Variants in APPL1 observed in about 807,000 individuals in gnomAD.
APPL1 encodes adaptor protein, phosphotyrosine interacting with PH domain and leucine zipper 1.
Under a neutral mutation model 106.8 loss-of-function variants are expected in APPL1, and 42 were observed. That is an observed-to-expected ratio of 0.39 (90% CI 0.31 to 0.51). The LOEUF is 0.51. APPL1 is among the 20% of genes least tolerant of loss of function. The probability of loss-of-function intolerance (pLI) is 0.75; values close to 1 mark genes in which losing one functional copy is unlikely to be tolerated. For missense variants in APPL1, 769 were observed against 858.2 expected, an observed-to-expected ratio of 0.90 and a Z score of 1.30; for synonymous variants, 263 against 281.8, an observed-to-expected ratio of 0.93 and a Z score of 0.67.
At chr3:57,257,216 A>G in intron 14 of APPL1, 30 bp from the exon 15 acceptor site, 2 of 1,588,414 alleles carry the variant, frequency 1.3e-6, no homozygotes, top group Non-Finnish European at 1.7e-6. Context: ...AGGGAAAATT[A>G]AATGCAATGC....
intron 7 of APPL1, among the ~76,000 whole-genome samples, chr3:57,245,631 C>G (rs149357252): frequency 3.4e-4 from 51 of 152,124 alleles, no homozygotes; most frequent in African/African-American, 1.1e-3. Context: ...CAACCTCCCC[C>G]TCCCAGGGTG....
chr3:57,240,580 T>C (rs745795008), intron 5 of APPL1, 28 bp downstream of exon 5: 2 of 1,571,054 alleles, frequency 1.3e-6, no homozygotes, highest in Non-Finnish European at 8.8e-7. Flanking sequence ...ATGTTTACTT[T>C]CATTGGCTGT....
At chr3:57,234,880 C>A (rs2060708260) in intron 1 of APPL1, among the ~76,000 whole-genome samples, 2 of 152,080 alleles carry the variant, frequency 1.3e-5, no homozygotes. Flanking sequence ...TGGTCTCAAT[C>A]TCCTGACCTC....
At chr3:57,259,364 T>C (rs994421595) in intron 16 of APPL1, among the ~76,000 whole-genome samples, 5 of 152,230 alleles carry the variant, frequency 3.3e-5, no homozygotes, top group Non-Finnish European at 7.3e-5. Context: ...GTTTCTCTTC[T>C]GGTACTGGAG....
rs575612621 is a variant in APPL1 at position 57,248,747 on chromosome 3, G to A, written c.863+396G>A. Among the ~76,000 whole-genome samples the A allele has an allele frequency of 4.6e-5, 7 of 152,192 alleles. No individual in the cohort carries two copies. The South Asian group carries it at 1.5e-3, about 32-fold the overall frequency. On this transcript the variant is annotated intron_variant, in intron 10 of 21. Coordinates refer to ENST00000288266, the MANE Select transcript of APPL1 (RefSeq NM_012096.3). ...TAGCTGAGCATGGTGGCTTACACCT[G>A]TAATCCCAGCTACTCAGGAGGCTGA...
At chr3:57,240,132 T>A (rs999185717) in intron 4 of APPL1, among the ~76,000 whole-genome samples, 1 of 95,508 alleles carries the variant, frequency 1.0e-5, no homozygotes, top group Admixed American at 9.8e-5. Context: ...TTCTGAGTTG[T>A]TTTTTTTTTT....
At chr3:57,252,382 A>G in intron 12 of APPL1, 71 bp downstream of exon 12, 1 of 1,142,822 alleles carries the variant, frequency 8.8e-7, no homozygotes, top group Non-Finnish European at 1.3e-6. Flanking sequence ...ACATATATTA[A>G]TGTGTTCATT....
At chr3:57,260,975 G>T (rs547807913) in intron 19 of APPL1, among the ~76,000 whole-genome samples, 100 of 152,214 alleles carry the variant, frequency 6.6e-4, no homozygotes, top group African/African-American at 2.3e-3. Flanking sequence ...GGTATTTAGG[G>T]TGTCCATCAT....
At chr3:57,260,599 A>T in intron 18 of APPL1, 29 bp from the exon 19 acceptor site, 2 of 1,590,128 alleles carry the variant, frequency 1.3e-6, no homozygotes, top group African/African-American at 1.3e-5. Context: ...GTAAGATCTC[A>T]TGTTTGCTTC....
chr3:57,254,935 T>C (rs2060827160), intron 13 of APPL1, among the ~76,000 whole-genome samples: 1 of 152,262 alleles, frequency 6.6e-6, no homozygotes, highest in African/African-American at 2.4e-5. Context: ...AAGTTAAAGA[T>C]TCTTGATAGA....
rs1432359678 is a variant in APPL1, at chr3:57,271,404, C to T, written c.*1717C>T. The T allele has an allele frequency of 1.3e-5, 2 of 152,568 alleles. No homozygotes were observed. Among genetic ancestry groups the T allele is most frequent in the Admixed American group, 6.5e-5 (1 of 15,272 alleles). 9.5% of individuals were successfully genotyped at this position (152,568 alleles called of 1,614,324 possible). On this transcript the variant is annotated 3_prime_UTR_variant, in exon 22 of 22. Coordinates refer to ENST00000288266, the MANE Select transcript of APPL1 (RefSeq NM_012096.3). ...CTTTTGATAAAAAGTTTATTTTGTG[C>T]TTACCAAAAGGAATGCTTTCACAAT...
At chr3:57,258,094 A>G (rs939776742) in intron 15 of APPL1, among the ~76,000 whole-genome samples, 4 of 152,196 alleles carry the variant, frequency 2.6e-5, no homozygotes, top group African/African-American at 9.6e-5. Flanking sequence ...TACTAAAGAG[A>G]TTAATTTCCT....
intron 5 of APPL1, among the ~76,000 whole-genome samples, chr3:57,240,805 T>G (rs963309273): frequency 6.7e-6 from 1 of 149,950 alleles, no homozygotes; most frequent in Non-Finnish European, 1.5e-5. Flanking sequence ...ACAACACTTA[T>G]GTCTCTTATA....
In APPL1 at chr3:57,227,766, G is replaced by T. The variant is rs957263732; in HGVS notation, c.-118G>T. 7 of 838,918 alleles carry T rather than the reference G, an allele frequency of 8.3e-6. No individual in the cohort carries two copies. The highest frequency in any genetic ancestry group is 4.1e-4 in the Middle Eastern group (1 of 2,430). 52.0% of individuals were successfully genotyped at this position (838,918 alleles called of 1,614,324 possible). A position where few individuals can be genotyped will look rare whatever the true frequency, so the allele number is the denominator to read the frequency against. ...GGCGCCTGGAGAAGGCTGTGCGGGC[G>T]GGGACGGCTGCAGCCCTTGCCGGAG... On this transcript the variant is annotated 5_prime_UTR_variant, in exon 1 of 22. Transcript: ENST00000288266.
At chr3:57,235,432 A>G (rs1333125365) in intron 1 of APPL1, 134 bp from the exon 2 acceptor site, 1 of 506,274 alleles carries the variant, frequency 2.0e-6, no homozygotes, top group African/African-American at 2.0e-5. Flanking sequence ...TACTATCAAA[A>G]GAGACAAAAT....
intron 1 of APPL1, among the ~76,000 whole-genome samples, chr3:57,232,444 T>G (rs970379416): frequency 2.0e-5 from 3 of 152,228 alleles, no homozygotes; most frequent in Non-Finnish European, 4.4e-5. Flanking sequence ...ACTGGCCAAG[T>G]GTAGTCTCTC....
intron 13 of APPL1, among the ~76,000 whole-genome samples, chr3:57,255,207 A>C (rs893166191): frequency 6.6e-6 from 1 of 152,054 alleles, no homozygotes; most frequent in Middle Eastern, 3.4e-3. Flanking sequence ...AGAGGACTTG[A>C]CTCTAGGACA....
chr3:57,231,846 G>C (rs1164231648), intron 1 of APPL1, among the ~76,000 whole-genome samples: 1 of 150,698 alleles, frequency 6.6e-6, no homozygotes, highest in Non-Finnish European at 1.5e-5. Context: ...AGTGATGGAA[G>C]ACTATCCTGA....
At position 57,253,677 on chromosome 3, in the gene APPL1, T is replaced by G; in HGVS notation, c.1096-5T>G. The G allele has an allele frequency of 7.0e-7, 1 of 1,427,278 alleles. No individual in the cohort carries two copies. Among genetic ancestry groups the G allele is most frequent in the South Asian group, 1.5e-5 (1 of 68,008 alleles). The allele number at this position is 1,427,278 out of a possible 1,614,324, so 88.4% of individuals were successfully genotyped here. On this transcript the variant is annotated splice_region_variant and splice_polypyrimidine_tract_variant and intron_variant, in intron 12 of 21. Transcript: ENST00000288266. The stretch of plus-strand genomic sequence containing the variant: ...ATTATATTTTTCTATTTTTTCCTCT[T>G]GCAGTGGATCTGTACAATAAACAAC...
Sources: allele counts gnomAD v4.1 joint callset (sites outside exome capture counted in the v4.1 genomes callset), GRCh38; gene constraint gnomAD v4.1.1; transcripts MANE v1.5; gene names NCBI Gene and HGNC (gene_info 2026-07-23, HGNC 2026-07-21).